GRM5: variants seen among roughly 807,000 people sequenced by gnomAD.
GRM5 encodes the protein glutamate metabotropic receptor 5.
In GRM5, 19 loss-of-function variants were observed where a neutral mutation model predicts 83.1. That is an observed-to-expected ratio of 0.23 (90% confidence interval 0.16 to 0.34). The LOEUF (loss-of-function observed/expected upper bound fraction) is 0.34, where lower values mean the gene tolerates loss of function less well. Among genes scored for constraint, GRM5 ranks in the 10% least tolerant of loss-of-function variants. The pLI is 1.00. For missense variants in GRM5, 1,160 were observed against 1,588.3 expected (o/e 0.73, Z 4.58); for synonymous variants, 675 against 633.6 (o/e 1.07, Z -0.98).
chr11:88,995,822 A>G (rs1307111116), intron 2 of GRM5, among the ~76,000 whole-genome samples: 2 of 152,104 alleles, frequency 1.3e-5, no homozygotes, highest in Non-Finnish European at 2.9e-5. Flanking sequence ...TGAAATTCCA[A>G]ATAAAATATC....
At chr11:88,700,362 G>A (rs968287417) in intron 3 of GRM5, among the ~76,000 whole-genome samples, 1 of 152,056 alleles carries the variant, frequency 6.6e-6, no homozygotes, top group African/African-American at 2.4e-5. Flanking sequence ...GAAGAGAGTA[G>A]CTATGGGTGA....
intron 3 of GRM5, among the ~76,000 whole-genome samples, chr11:88,825,230 T>A (rs1469822302): frequency 7.2e-6 from 1 of 138,480 alleles, no homozygotes; most frequent in Non-Finnish European, 1.5e-5. Flanking sequence ...GATCCTGAAC[T>A]TTTTTTTTTT....
chr11:88,549,661 A>G (rs577642005), intron 8 of GRM5, among the ~76,000 whole-genome samples: 16 of 152,052 alleles, frequency 1.1e-4, no homozygotes, highest in African/African-American at 3.4e-4. Context: ...GAGGTATAGT[A>G]TGGCACTGGT....
In GRM5 at chr11:88,654,595, A is replaced by G. The variant is rs146304208; in HGVS notation, c.912-1192T>C. On this transcript the variant is annotated intron_variant, in intron 3 of 9. Transcript: ENST00000305447. ...GGAAGAACAGACTAGAGCCTCCTAA[A>G]TGCAAAGCAGGAAAAAGTGTTAGGA... is the stretch of plus-strand genomic sequence containing the variant. Among the ~76,000 whole-genome samples the G allele has an allele frequency of 2.0e-5, 3 of 152,202 alleles. No individual in the cohort carries two copies. In the East Asian group the frequency reaches 5.8e-4, roughly 29 times the overall value.
At chr11:88,658,392 G>A (rs116311484) in intron 3 of GRM5, among the ~76,000 whole-genome samples, 16 of 152,216 alleles carry the variant, frequency 1.1e-4, no homozygotes, top group African/African-American at 3.9e-4. Flanking sequence ...ACCTGAATGG[G>A]ACAGGCATCC....
chr11:88,950,631 C>A (rs1938428878), intron 2 of GRM5, among the ~76,000 whole-genome samples: 1 of 152,062 alleles, frequency 6.6e-6, no homozygotes, highest in African/African-American at 2.4e-5. Context: ...AAAAGAAGTG[C>A]AAGACTAAGA....
In GRM5 at chr11:88,870,503, G is replaced by A. The variant is rs563806208; in HGVS notation, c.662-20348C>T. 2.4e-3 allele frequency among the ~76,000 whole-genome samples: 361 copies of A among 151,528 alleles called. 3 individuals are homozygous for A. Among genetic ancestry groups the A allele is most frequent in the Middle Eastern group, 0.014 (4 of 294 alleles). On this transcript the variant is annotated intron_variant, in intron 2 of 9. Coordinates refer to ENST00000305447, the MANE Select transcript of GRM5 (RefSeq NM_001143831.3). ...AAGCAAAGAAAGAGTTAATCATAAAGCCACTTCTACAAAGAAATCATGGTG... is the reference window on the plus strand; with the variant it reads ...AAGCAAAGAAAGAGTTAATCATAAAACCACTTCTACAAAGAAATCATGGTG...
chr11:88,551,862 G>A (rs530707023), intron 8 of GRM5, among the ~76,000 whole-genome samples: 1 of 152,248 alleles, frequency 6.6e-6, no homozygotes, highest in African/African-American at 2.4e-5. Flanking sequence ...ATTAACACTG[G>A]AAGCAGAACT....
rs1408681952 is a variant in GRM5 at position 88,912,059 on chromosome 11, A to G, written c.662-61904T>C. On this transcript the variant is annotated intron_variant, in intron 2 of 9. Transcript: ENST00000305447. ...ATAAGTATTGTACAATACTGTAAGT[A>G]TTGGCGAAGTTCAGAGGAACGTGTA... The G allele has an allele frequency of 3.6e-5, 17 of 468,216 alleles. No individual in the cohort carries two copies. The East Asian group carries it at 1.1e-3, about 31-fold the overall frequency. The allele number at this position is 468,216 out of a possible 1,614,324, so 29.0% of individuals were successfully genotyped here.
chr11:88,675,691 T>A (rs1180534212), intron 3 of GRM5, among the ~76,000 whole-genome samples: 1 of 151,996 alleles, frequency 6.6e-6, no homozygotes, highest in Non-Finnish European at 1.5e-5. Context: ...AGACTTAAAC[T>A]GAGTTTTCTC....
At chr11:88,990,711 C>T (rs1225496081) in intron 2 of GRM5, among the ~76,000 whole-genome samples, 34 of 150,946 alleles carry the variant, frequency 2.3e-4, no homozygotes, top group Admixed American at 1.4e-3. Context: ...GTTCAATATA[C>T]GCAAATCAAT....
intron 9 of GRM5, among the ~76,000 whole-genome samples, chr11:88,519,476 A>G (rs308879): frequency 0.064 from 9,742 of 152,128 alleles, 517 homozygotes; most frequent in African/African-American, 0.14. Context: ...GAATTGCAGA[A>G]TCAGACTGAG....
intron 3 of GRM5, among the ~76,000 whole-genome samples, chr11:88,834,983 C>T (rs1028738090): frequency 1.3e-5 from 2 of 151,844 alleles, no homozygotes. Context: ...TGCCATTTTT[C>T]CCCCCCTGCA....
intron 2 of GRM5, among the ~76,000 whole-genome samples, chr11:88,879,826 C>A (rs1944922208): frequency 6.6e-6 from 1 of 152,010 alleles, no homozygotes; most frequent in Non-Finnish European, 1.5e-5. Context: ...GCCTATAGAG[C>A]TGAAATCACA....
chr11:88,983,724 A>G (rs1160071852), intron 2 of GRM5, among the ~76,000 whole-genome samples: 3 of 152,036 alleles, frequency 2.0e-5, no homozygotes, highest in Non-Finnish European at 4.4e-5. Context: ...TGCTTGTGAA[A>G]AAAGTTACCT....
intron 4 of GRM5, among the ~76,000 whole-genome samples, chr11:88,609,779 T>C (rs555754916): frequency 1.3e-5 from 2 of 152,348 alleles, no homozygotes; most frequent in African/African-American, 4.8e-5. Context: ...GCAATTGCTT[T>C]GGGGAATTTA....
At chr11:88,745,915 T>C (rs1206422289) in intron 3 of GRM5, among the ~76,000 whole-genome samples, 2 of 152,200 alleles carry the variant, frequency 1.3e-5, no homozygotes, top group Admixed American at 1.3e-4. Context: ...TAAGTGACCT[T>C]GGGAATATTA....
At chr11:89,022,805 T>C (rs1423346313) in intron 2 of GRM5, among the ~76,000 whole-genome samples, 1 of 152,182 alleles carries the variant, frequency 6.6e-6, no homozygotes, top group Non-Finnish European at 1.5e-5. Flanking sequence ...TAGTATAAAA[T>C]GTTTTCTGTG....
chr11:88,781,760 G>A (rs544459947), intron 3 of GRM5, among the ~76,000 whole-genome samples: 9 of 152,274 alleles, frequency 5.9e-5, no homozygotes, highest in African/African-American at 1.7e-4. Context: ...GGCCACCTCA[G>A]GGAAACTAGC....
Sources: gnomAD v4.1 joint callset for allele counts (sites outside exome capture counted in the v4.1 genomes callset) on GRCh38, gnomAD v4.1.1 for gene constraint, MANE v1.5 for transcripts, NCBI Gene and HGNC (gene_info 2026-07-23, HGNC 2026-07-21) for gene names.